Variants in HS6ST3 observed in about 807,000 individuals in gnomAD.
HS6ST3 encodes heparan sulfate 6-O-sulfotransferase 3, also known as heparan-sulfate 6-O-sulfotransferase 3.
A neutral mutation model predicts 36.7 loss-of-function variants in HS6ST3; 12 were observed. That is an observed-to-expected ratio of 0.33 (90% CI 0.21 to 0.53). HS6ST3 has a LOEUF of 0.53. Among genes scored for constraint, HS6ST3 ranks in the 20% least tolerant of loss-of-function variants. HS6ST3 has a pLI of 0.95. For synonymous variants in HS6ST3, 240 were observed against 257.5 expected, an observed-to-expected ratio of 0.93 and a Z score of 0.65; for missense variants, 584 against 640.9, an observed-to-expected ratio of 0.91 and a Z score of 0.96.
chr13:96,266,597 T>C lies in HS6ST3; in HGVS notation c.707+175028T>C, dbSNP rs929205619. Among the ~76,000 whole-genome samples, 4 of 152,212 alleles carry C rather than the reference T, an allele frequency of 2.6e-5. No individual in the cohort carries two copies. In the East Asian group the frequency reaches 7.7e-4, roughly 29 times the overall value. On this transcript the variant is annotated intron_variant, in intron 1 of 1. Coordinates refer to ENST00000376705, the MANE Select transcript of HS6ST3 (RefSeq NM_153456.4). Reference sequence around the variant, plus strand: ...TAGTTTAATTGACAGAACAAAGGGCTGGGAGACCCAATTTTAGATTTGCAC... The same window carrying C: ...TAGTTTAATTGACAGAACAAAGGGCCGGGAGACCCAATTTTAGATTTGCAC...
chr13:96,699,453 T>C (rs1251650396), intron 1 of HS6ST3, among the ~76,000 whole-genome samples: 7 of 152,120 alleles, frequency 4.6e-5, no homozygotes, highest in Admixed American at 4.6e-4. Context: ...AACAGACACT[T>C]CTCAAAAGAA....
At chr13:96,812,645 T>G (rs923614486) in intron 1 of HS6ST3, among the ~76,000 whole-genome samples, 2 of 152,226 alleles carry the variant, frequency 1.3e-5, no homozygotes, top group South Asian at 2.1e-4. Flanking sequence ...AGCAGTTACA[T>G]TTTCTTCTTC....
rs2056641363 is a variant in HS6ST3, at chr13:96,660,120, CAATT to C, written c.708-172367_708-172364del. On this transcript the variant is annotated intron_variant, in intron 1 of 1. Coordinates refer to ENST00000376705, the MANE Select transcript of HS6ST3 (RefSeq NM_153456.4). ...AACCAAAGCTGTAGGAATAACAAGA[CAATT>C]AAATTTTTAATGAAGAAAGCCTCTA... 2.0e-5 allele frequency among the ~76,000 whole-genome samples: 3 copies of C among 151,906 alleles called. No individual in the cohort carries two copies. The South Asian group carries it at 6.2e-4, about 32-fold the overall frequency.
At chr13:96,462,014 T>C (rs1359995129) in intron 1 of HS6ST3, among the ~76,000 whole-genome samples, 1 of 152,208 alleles carries the variant, frequency 6.6e-6, no homozygotes, top group Non-Finnish European at 1.5e-5. Flanking sequence ...TGATTTAAAA[T>C]TAAGAAATTG....
chr13:96,478,367 C>T (rs939594834), intron 1 of HS6ST3, among the ~76,000 whole-genome samples: 1 of 152,074 alleles, frequency 6.6e-6, no homozygotes, highest in Non-Finnish European at 1.5e-5. Context: ...CAGTCATCGC[C>T]GGAGTCCTAA....
chr13:96,743,606 G>A (rs1876493975), intron 1 of HS6ST3, among the ~76,000 whole-genome samples: 1 of 152,038 alleles, frequency 6.6e-6, no homozygotes, highest in African/African-American at 2.4e-5. Flanking sequence ...ATGGGGGCAT[G>A]TTTCTTTCTA....
intron 1 of HS6ST3, among the ~76,000 whole-genome samples, chr13:96,768,279 A>C (rs182511522): frequency 6.6e-6 from 1 of 152,328 alleles, no homozygotes. Context: ...ATTAAGGAAA[A>C]AGGAAATGGA....
chr13:96,163,762 G>A (rs1463955744), intron 1 of HS6ST3, among the ~76,000 whole-genome samples: 1 of 152,138 alleles, frequency 6.6e-6, no homozygotes, highest in Non-Finnish European at 1.5e-5. Context: ...ACTACTGCAC[G>A]AAATGATGTA....
chr13:96,576,701 G>T (rs2056322542), intron 1 of HS6ST3, among the ~76,000 whole-genome samples: 1 of 151,958 alleles, frequency 6.6e-6, no homozygotes, highest in Non-Finnish European at 1.5e-5. Flanking sequence ...CAGCACTTTG[G>T]GAGGCCAAGG....
At chr13:96,828,615 T>C (rs1342311979) in intron 1 of HS6ST3, among the ~76,000 whole-genome samples, 1 of 152,220 alleles carries the variant, frequency 6.6e-6, no homozygotes, top group Non-Finnish European at 1.5e-5. Flanking sequence ...CTTAGTTTAT[T>C]CAACGTTAAG....
In HS6ST3 at chr13:96,342,742, AT is replaced by A. The variant is rs1488987310; in HGVS notation, c.707+251176del. 5.3e-5 allele frequency among the ~76,000 whole-genome samples: 8 copies of A among 152,250 alleles called. No homozygotes were observed. The East Asian group carries it at 1.2e-3, about 22-fold the overall frequency. On this transcript the variant is annotated intron_variant, in intron 1 of 1. Transcript: ENST00000376705. Reference sequence around the variant, plus strand: ...TTTGGTGCTTAATTATCAGCTAAAAATTTCACCCTGTCTAGAGGGAAGCCAC... The same window carrying A: ...TTTGGTGCTTAATTATCAGCTAAAAATTCACCCTGTCTAGAGGGAAGCCAC...
intron 1 of HS6ST3, among the ~76,000 whole-genome samples, chr13:96,818,644 G>A (rs761520325): frequency 7.9e-5 from 12 of 152,162 alleles, no homozygotes; most frequent in African/African-American, 2.9e-4. Context: ...ATGCACAGGC[G>A]CAATTAGCAA....
intron 1 of HS6ST3, among the ~76,000 whole-genome samples, chr13:96,359,660 C>T (rs1184932440): frequency 6.6e-6 from 1 of 152,050 alleles, no homozygotes; most frequent in Non-Finnish European, 1.5e-5. Flanking sequence ...GGAATGGCAC[C>T]AGTCACTTTG....
chr13:96,130,575 C>T (rs2053970702), intron 1 of HS6ST3, among the ~76,000 whole-genome samples: 1 of 152,016 alleles, frequency 6.6e-6, no homozygotes, highest in Non-Finnish European at 1.5e-5. Context: ...GGGGTGAATA[C>T]CATGGGGAAA....
At chr13:96,490,512 A>G (rs1442533790) in intron 1 of HS6ST3, among the ~76,000 whole-genome samples, 1 of 152,200 alleles carries the variant, frequency 6.6e-6, no homozygotes, top group East Asian at 1.9e-4. Context: ...GATTTATGAG[A>G]TGACTATTTT....
intron 1 of HS6ST3, among the ~76,000 whole-genome samples, chr13:96,667,847 G>A (rs1423514339): frequency 6.6e-6 from 1 of 152,170 alleles, no homozygotes; most frequent in Non-Finnish European, 1.5e-5. Context: ...GGGGAAAGGG[G>A]AGTGGAAAAA....
At chr13:96,334,936 G>T (rs1431114419) in intron 1 of HS6ST3, among the ~76,000 whole-genome samples, 1 of 152,202 alleles carries the variant, frequency 6.6e-6, no homozygotes, top group South Asian at 2.1e-4. Context: ...GTACCTAGTT[G>T]ATGCTTCTTC....
At chr13:96,134,385 C>A (rs188102926) in intron 1 of HS6ST3, among the ~76,000 whole-genome samples, 1 of 151,614 alleles carries the variant, frequency 6.6e-6, no homozygotes, top group East Asian at 1.9e-4. Context: ...TTTTTGGTGT[C>A]ATGGTTTTAC....
chr13:96,221,133 T>G (rs2054453044), intron 1 of HS6ST3, among the ~76,000 whole-genome samples: 1 of 152,194 alleles, frequency 6.6e-6, no homozygotes, highest in Non-Finnish European at 1.5e-5. Flanking sequence ...AAAACCTTCT[T>G]TTTTTAACAG....
Sources: gnomAD v4.1 joint callset for allele counts (sites outside exome capture counted in the v4.1 genomes callset) on GRCh38, gnomAD v4.1.1 for gene constraint, MANE v1.5 for transcripts, NCBI Gene and HGNC (gene_info 2026-07-23, HGNC 2026-07-21) for gene names.